The following GNG2 variants were observed in gnomAD, a reference collection of about 807,000 sequenced individuals.
The protein encoded by GNG2 is guanine nucleotide-binding protein G(I)/G(S)/G(O) subunit gamma-2.
Under a neutral mutation model 5.5 loss-of-function variants are expected in GNG2, and 5 were observed. That is an observed-to-expected ratio of 0.91 (90% confidence interval 0.48 to 1.92). GNG2 has a LOEUF of 1.92. Among genes scored for constraint, GNG2 ranks in the 30% most tolerant of loss-of-function variants. The pLI, the probability that GNG2 is intolerant of heterozygous loss-of-function variation, is 0.01. For missense variants in GNG2, 55 were observed against 88.4 expected, an observed-to-expected ratio of 0.62 and a Z score of 1.52; for synonymous variants, 28 against 32.0, an observed-to-expected ratio of 0.88 and a Z score of 0.42.
At chr14:51,900,888 G>C (rs908143356) in intron 2 of GNG2, among the ~76,000 whole-genome samples, 3 of 152,044 alleles carry the variant, frequency 2.0e-5, no homozygotes, top group African/African-American at 7.2e-5. Flanking sequence ...GCTGACTTTG[G>C]GTTTTGTTTA....
chr14:51,893,810 A>G (rs1885011936), intron 2 of GNG2, among the ~76,000 whole-genome samples: 1 of 151,714 alleles, frequency 6.6e-6, no homozygotes, highest in African/African-American at 2.4e-5. Context: ...CAAACAGCCA[A>G]CTCCATGACA....
intron 2 of GNG2, among the ~76,000 whole-genome samples, chr14:51,879,153 A>C (rs1452100040): frequency 2.0e-5 from 3 of 152,208 alleles, no homozygotes; most frequent in Non-Finnish European, 2.9e-5. Flanking sequence ...TATTCCACTC[A>C]TCTAAAAGCA....
At chr14:51,961,148 T>C (rs769877676) in intron 3 of GNG2, among the ~76,000 whole-genome samples, 3 of 152,328 alleles carry the variant, frequency 2.0e-5, no homozygotes, top group African/African-American at 2.4e-5. Flanking sequence ...TGCTGCCTAT[T>C]GTCTAAAAGT....
chr14:51,948,884 G>A (rs914933109), intron 2 of GNG2, among the ~76,000 whole-genome samples: 1 of 152,090 alleles, frequency 6.6e-6, no homozygotes, highest in Non-Finnish European at 1.5e-5. Context: ...CACTTTGGGA[G>A]GCCGAGGTGG....
intron 2 of GNG2, among the ~76,000 whole-genome samples, chr14:51,934,741 T>G (rs143241680): frequency 1.8e-4 from 27 of 152,298 alleles, no homozygotes; most frequent in Non-Finnish European, 3.5e-4. Flanking sequence ...TCTTCATGTC[T>G]CTGCTACTTC....
chr14:51,837,363 G>A (rs1162004900), intron 2 of GNG2, among the ~76,000 whole-genome samples: 6 of 151,914 alleles, frequency 3.9e-5, no homozygotes, highest in African/African-American at 7.3e-5. Flanking sequence ...AATATAACTC[G>A]GCCAGGGGTG....
chr14:51,859,082 C>G (rs1285725210), upstream of GNG2, among the ~76,000 whole-genome samples: 1 of 152,208 alleles, frequency 6.6e-6, no homozygotes, highest in Middle Eastern at 3.2e-3. Flanking sequence ...TCCTAGATTT[C>G]TAACATTTCC....
chr14:51,900,557 C>G (rs370464364), intron 2 of GNG2, among the ~76,000 whole-genome samples: 2 of 149,032 alleles, frequency 1.3e-5, no homozygotes, highest in East Asian at 2.0e-4. Context: ...GTCAGATGAA[C>G]CTAGGATCTA....
At position 51,958,056 on chromosome 14, in the gene GNG2, A is replaced by G. The variant is rs115826667; in HGVS notation, c.87+7291A>G. On this transcript the variant is annotated intron_variant, in intron 3 of 3. Coordinates refer to ENST00000556766, the MANE Select transcript of GNG2 (RefSeq NM_053064.5). ...TGTTTTCTTTTTGAAGTTAAAAAGT[A>G]TTTGGAATTTGGGAAGGAATTTCCT... Among the ~76,000 whole-genome samples the G allele has an allele frequency of 2.5e-3, 379 of 152,304 alleles. 2 individuals are homozygous for G. The highest frequency in any genetic ancestry group is 8.9e-3 in the African/African-American group (369 of 41,570).
At chr14:51,964,994 C>T (rs771585268) in intron 3 of GNG2, among the ~76,000 whole-genome samples, 6 of 152,192 alleles carry the variant, frequency 3.9e-5, no homozygotes, top group Non-Finnish European at 5.9e-5. Flanking sequence ...ACCTCTGCAT[C>T]AATTAAGAGG....
intron 2 of GNG2, among the ~76,000 whole-genome samples, chr14:51,884,875 C>G (rs1884340999): frequency 6.6e-6 from 1 of 152,172 alleles, no homozygotes; most frequent in Admixed American, 6.5e-5. Flanking sequence ...GAGGGTGGGC[C>G]TGCCATCAGC....
intron 2 of GNG2, among the ~76,000 whole-genome samples, chr14:51,930,226 C>T (rs528840382): frequency 6.6e-6 from 1 of 152,354 alleles, no homozygotes; most frequent in Non-Finnish European, 1.5e-5. Flanking sequence ...GTAGCATCAG[C>T]TTTGCTTTAT....
intron 2 of GNG2, among the ~76,000 whole-genome samples, chr14:51,853,915 G>C (rs1040204558): frequency 6.6e-6 from 1 of 150,404 alleles, no homozygotes. Context: ...TTTTGGGACA[G>C]AGTCTCGCTC....
chr14:51,893,194 C>T (rs1183047898), intron 2 of GNG2, among the ~76,000 whole-genome samples: 2 of 152,088 alleles, frequency 1.3e-5, no homozygotes, highest in Admixed American at 1.3e-4. Context: ...TACTAGATTT[C>T]TTTCTTAAAA....
chr14:51,844,834 T>G (rs538762281), intron 2 of GNG2, among the ~76,000 whole-genome samples: 1 of 152,344 alleles, frequency 6.6e-6, no homozygotes, highest in African/African-American at 2.4e-5. Context: ...CAAGTGATTC[T>G]CTTGCCTCAG....
intron 2 of GNG2, chr14:51,916,085 C>T (rs554637689): frequency 6.0e-6 from 1 of 165,754 alleles, no homozygotes; most frequent in Non-Finnish European, 1.3e-5. Flanking sequence ...CCTTACTGTA[C>T]AACATACTAC....
chr14:51,928,390 A>C (rs1449314488), intron 2 of GNG2, among the ~76,000 whole-genome samples: 3 of 152,152 alleles, frequency 2.0e-5, no homozygotes, highest in Admixed American at 2.0e-4. Context: ...TCTGGCTGAC[A>C]AGAACAGATA....
At chr14:51,835,949 G>A (rs1881317232) in intron 2 of GNG2, among the ~76,000 whole-genome samples, 2 of 151,842 alleles carry the variant, frequency 1.3e-5, no homozygotes, top group Admixed American at 6.6e-5. Flanking sequence ...GATTTGGTAG[G>A]TGTCTTAGTT....
intron 2 of GNG2, among the ~76,000 whole-genome samples, chr14:51,935,226 T>A (rs1887917277): frequency 6.6e-6 from 1 of 151,456 alleles, no homozygotes; most frequent in Admixed American, 6.6e-5. Flanking sequence ...GGGGTTTCAC[T>A]GTGTTAGTCA....
Sources: allele counts gnomAD v4.1 joint callset (sites outside exome capture counted in the v4.1 genomes callset), GRCh38; gene constraint gnomAD v4.1.1; transcripts MANE v1.5; gene names NCBI Gene and HGNC (gene_info 2026-07-23, HGNC 2026-07-21).